PCLO: variants seen among roughly 807,000 people sequenced by gnomAD.
PCLO encodes the protein protein piccolo.
A neutral mutation model predicts 427.5 loss-of-function variants in PCLO; 82 were observed. The ratio of observed to expected loss-of-function variants is 0.19; its 90% CI spans 0.16 to 0.23. PCLO has a LOEUF of 0.23. Among genes scored for constraint, PCLO ranks in the 10% least tolerant of loss-of-function variants. PCLO has a pLI of 1.00. For synonymous variants in PCLO, 2,357 were observed against 2,155.4 expected (o/e 1.09, Z -2.59); for missense variants, 6,239 against 6,115.9 (o/e 1.02, Z -0.67).
chr7:82,880,771 G>A (rs578024164), intron 9 of PCLO, among the ~76,000 whole-genome samples: 2 of 152,270 alleles, frequency 1.3e-5, no homozygotes, highest in South Asian at 2.1e-4. Flanking sequence ...AGCAATGCAT[G>A]TTAATTATTT....
intron 3 of PCLO, among the ~76,000 whole-genome samples, chr7:82,977,712 C>T (rs1796053063): frequency 6.6e-6 from 1 of 152,070 alleles, no homozygotes; most frequent in African/African-American, 2.4e-5. Context: ...CTGCACCTGG[C>T]CCAAAATTCA....
intron 20 of PCLO, among the ~76,000 whole-genome samples, chr7:82,817,224 AT>A (rs1791694922): frequency 6.6e-6 from 1 of 152,098 alleles, no homozygotes; most frequent in South Asian, 2.1e-4. Context: ...TTTTCTTTTT[AT>A]TTTAAACTGC....
At chr7:82,788,840 T>TGTTACATGTTTACATGTTATCA (rs1337306922) in intron 22 of PCLO, among the ~76,000 whole-genome samples, 1 of 151,414 alleles carries the variant, frequency 6.6e-6, no homozygotes, top group Non-Finnish European at 1.5e-5. Context: ...ATGTTTGCCG[T>TGTTACATGTTTACATGTTATCA]TGTAACAATT....
chr7:82,973,406 T>C (rs1795948271), intron 3 of PCLO, among the ~76,000 whole-genome samples: 1 of 152,134 alleles, frequency 6.6e-6, no homozygotes, highest in African/African-American at 2.4e-5. Flanking sequence ...CATAAGATTA[T>C]ATCAAATTAT....
At chr7:83,063,639 T>C (rs948785152) in intron 3 of PCLO, among the ~76,000 whole-genome samples, 5 of 152,126 alleles carry the variant, frequency 3.3e-5, no homozygotes, top group Admixed American at 3.3e-4. Context: ...AAAGACATTT[T>C]TGACTTAGGA....
intron 22 of PCLO, among the ~76,000 whole-genome samples, chr7:82,767,236 C>T (rs62465939): frequency 0.027 from 4,139 of 152,162 alleles, 85 homozygotes; most frequent in African/African-American, 0.051. Flanking sequence ...AATGCTTTGA[C>T]CAGCCTTCAG....
rs554621221 is a variant in PCLO at position 83,024,377 on chromosome 7, C to T, written c.3301-57890G>A. ...CCTGGAAAATCGGGTCACTCCCACCCGAATACTGCACTTTTCCGATGAGCT... is the reference window on the plus strand; with the variant it reads ...CCTGGAAAATCGGGTCACTCCCACCTGAATACTGCACTTTTCCGATGAGCT... On this transcript the variant is annotated intron_variant, in intron 3 of 24. Coordinates refer to ENST00000333891, the MANE Select transcript of PCLO (RefSeq NM_033026.6). Among the ~76,000 whole-genome samples, 12 of 152,318 alleles carry T rather than the reference C, an allele frequency of 7.9e-5. 1 individual carries two copies. The South Asian group carries it at 1.2e-3, about 16-fold the overall frequency.
In PCLO at chr7:83,057,152, C is replaced by T. The variant is rs920898504; in HGVS notation, c.3300+77098G>A. The stretch of plus-strand genomic sequence containing the variant: ...AGGCTGGAGTACAGTGGCGCAATGT[C>T]GGCTCACTGCTACCTCCGCCTCCCG... On this transcript the variant is annotated intron_variant, in intron 3 of 24. Transcript: ENST00000333891. 4.0e-5 allele frequency among the ~76,000 whole-genome samples: 6 copies of T among 149,136 alleles called. No individual in the cohort carries two copies. The East Asian group carries it at 9.9e-4, about 25-fold the overall frequency.
chr7:83,035,527 T>C (rs926338147), intron 3 of PCLO, among the ~76,000 whole-genome samples: 1 of 152,156 alleles, frequency 6.6e-6, no homozygotes, highest in Admixed American at 6.6e-5. Context: ...TATTGCTCTG[T>C]AGTATATTAA....
At position 83,038,025 on chromosome 7, in the gene PCLO, A is replaced by C. The variant is rs866114942; in HGVS notation, c.3301-71538T>G. ...TATATATATATATATATATATATAT[A>C]TATATTTATATATTTATATATATAT... is the stretch of plus-strand genomic sequence containing the variant. On this transcript the variant is annotated intron_variant, in intron 3 of 24. Coordinates refer to ENST00000333891, the MANE Select transcript of PCLO (RefSeq NM_033026.6). 1.7e-3 allele frequency among the ~76,000 whole-genome samples: 84 copies of C among 49,088 alleles called. 11 individuals are homozygous for C. Among genetic ancestry groups the C allele is most frequent in the African/African-American group, 0.012 (81 of 6,568 alleles). 32.2% of individuals were successfully genotyped at this position (49,088 alleles called of 152,430 possible).
intron 2 of PCLO, among the ~76,000 whole-genome samples, chr7:83,150,522 G>A (rs1324686422): frequency 1.3e-5 from 2 of 152,118 alleles, no homozygotes; most frequent in African/African-American, 2.4e-5. Context: ...GGGTTGGGTC[G>A]GGGAGTGATG....
At chr7:83,151,483 T>C (rs1451376698) in intron 2 of PCLO, among the ~76,000 whole-genome samples, 2 of 152,250 alleles carry the variant, frequency 1.3e-5, no homozygotes, top group Admixed American at 6.5e-5. Context: ...TATTTTCATA[T>C]GTCAAATGGT....
chr7:83,108,234 T>G (rs568751861), intron 3 of PCLO, among the ~76,000 whole-genome samples: 1 of 152,060 alleles, frequency 6.6e-6, no homozygotes, highest in Non-Finnish European at 1.5e-5. Flanking sequence ...AGGCAAGTAA[T>G]GTGTTTTCCT....
intron 2 of PCLO, among the ~76,000 whole-genome samples, chr7:83,140,776 C>G (rs1584078476): frequency 3.3e-5 from 5 of 152,300 alleles, no homozygotes; most frequent in African/African-American, 1.2e-4. Context: ...ACAACATCTG[C>G]TAGCCATAAA....
chr7:82,951,744 G>T, intron 5 of PCLO, 112 bp downstream of exon 5: 1 of 1,426,192 alleles, frequency 7.0e-7, no homozygotes, highest in Non-Finnish European at 9.3e-7. Context: ...AACATCCAAA[G>T]AAAGAGAAAA....
intron 8 of PCLO, among the ~76,000 whole-genome samples, chr7:82,906,927 A>T (rs1210586957): frequency 6.6e-6 from 1 of 152,020 alleles, no homozygotes; most frequent in Non-Finnish European, 1.5e-5. Context: ...CAAGAAATTT[A>T]TTAAATGATT....
chr7:82,901,301 G>A (rs1794033422), intron 9 of PCLO, among the ~76,000 whole-genome samples: 1 of 151,756 alleles, frequency 6.6e-6, no homozygotes, highest in Non-Finnish European at 1.5e-5. Context: ...AATGTCATGA[G>A]TCATCTAAAA....
intron 6 of PCLO, among the ~76,000 whole-genome samples, chr7:82,945,412 T>C (rs1795180539): frequency 6.6e-6 from 1 of 152,180 alleles, no homozygotes; most frequent in Admixed American, 6.5e-5. Context: ...AAAAAAATGA[T>C]ATATTGGAGT....
chr7:83,089,856 A>G (rs1790334646), intron 3 of PCLO, among the ~76,000 whole-genome samples: 1 of 152,194 alleles, frequency 6.6e-6, no homozygotes, highest in African/African-American at 2.4e-5. Context: ...TTTGTCTGCC[A>G]AGATTACAGA....
Sources: allele counts gnomAD v4.1 joint callset (sites outside exome capture counted in the v4.1 genomes callset), GRCh38; gene constraint gnomAD v4.1.1; transcripts MANE v1.5; gene names NCBI Gene and HGNC (gene_info 2026-07-23, HGNC 2026-07-21).